Variants in RFX3 observed in about 807,000 individuals in gnomAD.
The protein encoded by RFX3 is transcription factor RFX3.
A neutral mutation model predicts 98.6 loss-of-function variants in RFX3; 14 were observed. That is an observed-to-expected ratio of 0.14 (90% CI 0.09 to 0.22). The LOEUF (loss-of-function observed/expected upper bound fraction) is 0.22, where lower values mean the gene tolerates loss of function less well. Ranked by LOEUF, RFX3 falls within the 10% of genes least tolerant of loss-of-function variation. The pLI, the probability that RFX3 is intolerant of heterozygous loss-of-function variation, is 1.00. For missense variants in RFX3, 639 were observed against 926.9 expected (o/e 0.69, Z 4.03); for synonymous variants, 383 against 328.4 (o/e 1.17, Z -1.80).
intron 1 of RFX3, among the ~76,000 whole-genome samples, chr9:3,512,659 A>T (rs965394945): frequency 6.6e-6 from 1 of 152,030 alleles, no homozygotes; most frequent in Non-Finnish European, 1.5e-5. Context: ...AGATCCCAGC[A>T]CCTTGTTATA....
At chr9:3,516,586 C>T (rs1467877010) in intron 1 of RFX3, among the ~76,000 whole-genome samples, 12 of 152,096 alleles carry the variant, frequency 7.9e-5, no homozygotes, top group Non-Finnish European at 5.9e-5. Context: ...TAGACCTTGA[C>T]GGGATTTTTA....
intron 4 of RFX3, among the ~76,000 whole-genome samples, chr9:3,313,009 G>C (rs531790370): frequency 1.3e-5 from 2 of 152,214 alleles, no homozygotes; most frequent in African/African-American, 4.8e-5. Context: ...CAGCTTTGAA[G>C]AGAGTAGTGG....
chr9:3,264,093 T>G (rs1466136459), intron 12 of RFX3, among the ~76,000 whole-genome samples: 1 of 152,110 alleles, frequency 6.6e-6, no homozygotes, highest in Non-Finnish European at 1.5e-5. Flanking sequence ...TGTTCATACC[T>G]TTGGAAATAA....
chr9:3,256,171 C>T (rs988641728), intron 14 of RFX3, among the ~76,000 whole-genome samples: 13 of 151,892 alleles, frequency 8.6e-5, no homozygotes, highest in African/African-American at 2.9e-4. Flanking sequence ...GGGGTTTTAC[C>T]GTGTTAGCGA....
At chr9:3,356,672 A>G (rs1835811085) in intron 2 of RFX3, among the ~76,000 whole-genome samples, 1 of 151,952 alleles carries the variant, frequency 6.6e-6, no homozygotes, top group Non-Finnish European at 1.5e-5. Flanking sequence ...AAGACATTAC[A>G]AGAAAAGAAT....
chr9:3,316,625 C>T (rs1830627782), intron 4 of RFX3, among the ~76,000 whole-genome samples: 1 of 152,178 alleles, frequency 6.6e-6, no homozygotes, highest in African/African-American at 2.4e-5. Flanking sequence ...ATTTAGAAAA[C>T]CCCATTGTCT....
At position 3,306,128 on chromosome 9, in the gene RFX3, G is replaced by A. The variant is rs1392008380; in HGVS notation, c.475-4508C>T. ...TAGGAAATGATGATCAGTTAACACCGATGGAAAATTTGCTTAAAAGTAGGC... is the reference window on the plus strand; with the variant it reads ...TAGGAAATGATGATCAGTTAACACCAATGGAAAATTTGCTTAAAAGTAGGC... On this transcript the variant is annotated intron_variant, in intron 4 of 16. Coordinates refer to ENST00000617270, the MANE Select transcript of RFX3 (RefSeq NM_001282116.2). Among the ~76,000 whole-genome samples the A allele has an allele frequency of 6.6e-5, 10 of 152,132 alleles. No individual in the cohort carries two copies. In the East Asian group the frequency reaches 1.2e-3, roughly 18 times the overall value.
intron 1 of RFX3, among the ~76,000 whole-genome samples, chr9:3,491,232 C>G (rs1187820453): frequency 3.3e-5 from 5 of 152,040 alleles, no homozygotes; most frequent in Non-Finnish European, 5.9e-5. Context: ...GAAGACAGGA[C>G]AAGGATCACT....
chr9:3,344,715 G>T lies in RFX3; in HGVS notation c.215+1952C>A. Reference sequence around the variant, plus strand: ...TACTTGTCACAGACAAAGATGAAATGACAACTGACAACTGGGTGACCTCTA... The same window carrying T: ...TACTTGTCACAGACAAAGATGAAATTACAACTGACAACTGGGTGACCTCTA... On this transcript the variant is annotated intron_variant, in intron 3 of 16. Transcript: ENST00000617270. 3 of 590,108 alleles carry T rather than the reference G, an allele frequency of 5.1e-6. No individual in the cohort carries two copies. The South Asian group carries it at 6.7e-5, about 13-fold the overall frequency. 36.6% of individuals were successfully genotyped at this position (590,108 alleles called of 1,614,324 possible).
intron 1 of RFX3, among the ~76,000 whole-genome samples, chr9:3,476,672 C>T (rs1007555466): frequency 4.6e-5 from 7 of 152,080 alleles, no homozygotes; most frequent in Admixed American, 4.6e-4. Context: ...GTATCATAAG[C>T]CCATCAATAC....
At chr9:3,268,192 C>G (rs1586811235) in intron 11 of RFX3, among the ~76,000 whole-genome samples, 1 of 151,592 alleles carries the variant, frequency 6.6e-6, no homozygotes, top group African/African-American at 2.4e-5. Context: ...ATAGTAGCTT[C>G]AAGCTGACAT....
chr9:3,510,062 CAT>C (rs573856236), intron 1 of RFX3, among the ~76,000 whole-genome samples: 161 of 152,034 alleles, frequency 1.1e-3, no homozygotes, highest in African/African-American at 1.7e-3. Flanking sequence ...CATTTGGAAA[CAT>C]GTGTGACTCT....
intron 2 of RFX3, among the ~76,000 whole-genome samples, chr9:3,353,680 C>A (rs1835419176): frequency 6.6e-6 from 1 of 152,050 alleles, no homozygotes; most frequent in African/African-American, 2.4e-5. Flanking sequence ...ATCTGAATTA[C>A]AAGCAGTGTA....
At chr9:3,315,888 C>T (rs562965864) in intron 4 of RFX3, among the ~76,000 whole-genome samples, 1 of 152,144 alleles carries the variant, frequency 6.6e-6, no homozygotes, top group East Asian at 1.9e-4. Context: ...AACTAATAGC[C>T]TACCAACCAA....
chr9:3,269,253 G>A (rs938871217), intron 11 of RFX3, among the ~76,000 whole-genome samples: 2 of 151,746 alleles, frequency 1.3e-5, no homozygotes, highest in African/African-American at 4.8e-5. Flanking sequence ...ATTTCAAGGT[G>A]GCCGGGAACA....
At chr9:3,431,267 G>C (rs2132532766) in intron 1 of RFX3, among the ~76,000 whole-genome samples, 1 of 152,158 alleles carries the variant, frequency 6.6e-6, no homozygotes, top group South Asian at 2.1e-4. Flanking sequence ...CTATAAACCT[G>C]GAATAACACC....
intron 1 of RFX3, among the ~76,000 whole-genome samples, chr9:3,413,657 T>C (rs190811750): frequency 6.0e-4 from 92 of 152,220 alleles, no homozygotes; most frequent in African/African-American, 2.1e-3. Flanking sequence ...AAGGAACAAA[T>C]GCTTCCTGAA....
chr9:3,336,999 T>C (rs1363529774), intron 3 of RFX3, among the ~76,000 whole-genome samples: 3 of 152,222 alleles, frequency 2.0e-5, no homozygotes, highest in African/African-American at 7.2e-5. Flanking sequence ...ATGATAGTTT[T>C]AAAAGCTTAA....
intron 11 of RFX3, among the ~76,000 whole-genome samples, chr9:3,269,018 G>C (rs55725516): frequency 0.072 from 10,911 of 151,916 alleles, 522 homozygotes; most frequent in Non-Finnish European, 0.11. Context: ...GAAAAACAAG[G>C]AAAATCCGAT....
Sources: allele counts gnomAD v4.1 joint callset (sites outside exome capture counted in the v4.1 genomes callset), GRCh38; gene constraint gnomAD v4.1.1; transcripts MANE v1.5; gene names NCBI Gene and HGNC (gene_info 2026-07-23, HGNC 2026-07-21).